Variants in SH3TC1 observed in about 807,000 individuals in gnomAD.
SH3TC1 encodes the protein SH3 domain and tetratricopeptide repeats 1.
A neutral mutation model predicts 117.3 loss-of-function variants in SH3TC1; 135 were observed. The ratio of observed to expected loss-of-function variants is 1.15; its 90% CI spans 1.00 to 1.33. The LOEUF is 1.33. Ranked by LOEUF, SH3TC1 falls within the 40% of genes most tolerant of loss-of-function variation. The probability of loss-of-function intolerance (pLI) is 0.00; values close to 1 mark genes in which losing one functional copy is unlikely to be tolerated. For synonymous variants in SH3TC1, 898 were observed against 816.9 expected, an observed-to-expected ratio of 1.10 and a Z score of -1.69; for missense variants, 2,092 against 1,794.3, an observed-to-expected ratio of 1.17 and a Z score of -3.00.
At chr4:8,233,656 A>G (rs1282758402) in intron 14 of SH3TC1, 143 bp downstream of exon 14, 5 of 1,029,854 alleles carry the variant, frequency 4.9e-6, no homozygotes, top group Non-Finnish European at 6.7e-6. Flanking sequence ...CCATCCTTCC[A>G]TCATCTACCC....
At chr4:8,234,192 ATTCAT>A (rs1721578201) in intron 14 of SH3TC1, among the ~76,000 whole-genome samples, 1 of 136,860 alleles carries the variant, frequency 7.3e-6, no homozygotes, top group African/African-American at 2.7e-5. Flanking sequence ...TCATCCATCC[ATTCAT>A]CCATCCACCA....
chr4:8,214,426 GCCCCAGAGCTCCTGGGGACCTC>G, intron 4 of SH3TC1, 27 bp from the exon 5 acceptor site: 1 of 1,540,198 alleles, frequency 6.5e-7, no homozygotes, highest in East Asian at 2.2e-5. Context: ...CCTGACAGAT[GCCCCAGAGCTCCTGGGGACCTC>G]TCGAATTCCT....
chr4:8,225,159 T>G lies in SH3TC1; in HGVS notation c.1244-16T>G, dbSNP rs754281130. On this transcript the variant is annotated splice_polypyrimidine_tract_variant and intron_variant, in intron 10 of 17. Transcript: ENST00000245105. The surrounding 1 kb of genome is among the most constrained non-coding windows in gnomAD (Gnocchi z 5.5). ...TGGCTGGGGGTGTTGATTGCTTCTC[T>G]TTTCTCCCTTGCCAGACTCAGTAGA... is the stretch of plus-strand genomic sequence containing the variant. The G allele has an allele frequency of 4.3e-6, 7 of 1,613,672 alleles. No individual in the cohort carries two copies. Among genetic ancestry groups the G allele is most frequent in the Non-Finnish European group, 5.9e-6 (7 of 1,179,900 alleles).
Position 8,209,633 on chromosome 4 carries a change from G to C in SH3TC1, c.173-115G>C, listed in dbSNP as rs753657189. On this transcript the variant is annotated intron_variant, in intron 2 of 17. Coordinates refer to ENST00000245105, the MANE Select transcript of SH3TC1 (RefSeq NM_018986.5). The surrounding 1 kb of genome is among the most constrained non-coding windows in gnomAD (Gnocchi z 5.9). ...AAGGCAGCTGTGGGAAAGGCGGCTCGTGCGGGACAGAACTCACCTCTTTTC... is the reference window on the plus strand; with the variant it reads ...AAGGCAGCTGTGGGAAAGGCGGCTCCTGCGGGACAGAACTCACCTCTTTTC... 2 of 1,545,806 alleles carry C rather than the reference G, an allele frequency of 1.3e-6. No individual in the cohort carries two copies. Among genetic ancestry groups the C allele is most frequent in the African/African-American group, 2.7e-5 (2 of 73,274 alleles).
In SH3TC1 at chr4:8,227,469, G is replaced by A; in HGVS notation, c.1775G>A (p.Gly592Asp). 6.4e-7 allele frequency: 1 copy of A among 1,565,170 alleles called. No homozygotes were observed. The change falls in exon 12 of 18, where the codon GGC becomes GAC. Residue 592 changes from glycine (G) to aspartate (D), a missense_variant. Gly to Asp is a moderately conservative substitution (Grantham distance 94). Coordinates refer to ENST00000245105, the MANE Select transcript of SH3TC1 (RefSeq NM_018986.5). Reference sequence around the variant, plus strand: ...GAGGAAGCGCTGGGGGCCCTGGAGGGCAGCTTCGGGGACCTGTTCCTAGTG... The same window carrying A: ...GAGGAAGCGCTGGGGGCCCTGGAGGACAGCTTCGGGGACCTGTTCCTAGTG... ...YFEEALGALEGSFGDLFLVVA... is the reference protein window; with the variant it reads ...YFEEALGALEDSFGDLFLVVA...
At position 8,205,552 on chromosome 4, in the gene SH3TC1, C is replaced by T; in HGVS notation, c.172+186C>T. 2 of 882,974 alleles carry T rather than the reference C, an allele frequency of 2.3e-6. No individual in the cohort carries two copies. The highest frequency in any genetic ancestry group is 3.8e-6 in the Non-Finnish European group (2 of 524,708). 54.7% of individuals were successfully genotyped at this position (882,974 alleles called of 1,614,324 possible). A position where few individuals can be genotyped will look rare whatever the true frequency, so the allele number is the denominator to read the frequency against. On this transcript the variant is annotated intron_variant, in intron 2 of 17. Coordinates refer to ENST00000245105, the MANE Select transcript of SH3TC1 (RefSeq NM_018986.5). The surrounding 1 kb of genome is among the most constrained non-coding windows in gnomAD (Gnocchi z 5.4). Reference sequence around the variant, plus strand: ...TGTTTAACAGGAGCCACTGTGCCCGCTGAGTCACTTGAGAGGCCAGGGCCC... The same window carrying T: ...TGTTTAACAGGAGCCACTGTGCCCGTTGAGTCACTTGAGAGGCCAGGGCCC...
At chr4:8,195,061 G>A (rs1383255686), upstream of SH3TC1, among the ~76,000 whole-genome samples, 2 of 152,124 alleles carry the variant, frequency 1.3e-5, no homozygotes, top group African/African-American at 2.4e-5. Context: ...AGTCCAGCGG[G>A]CATCAGGAGA....
At chr4:8,217,498 T>C (rs1425556898) in intron 7 of SH3TC1, among the ~76,000 whole-genome samples, 1 of 152,092 alleles carries the variant, frequency 6.6e-6, no homozygotes, top group Admixed American at 6.5e-5. Context: ...GTATCCAGAG[T>C]GAGAAGGCAC....
In SH3TC1 at chr4:8,227,085, C is replaced by A; in HGVS notation, c.1391C>A (p.Ala464Glu). ...TGCCCAGGCTGCCCCCAGGAGCCAGCGTCCTGGGGTCTCTGTGCGGCATCC... is the reference window on the plus strand; with the variant it reads ...TGCCCAGGCTGCCCCCAGGAGCCAGAGTCCTGGGGTCTCTGTGCGGCATCC... ...KTCPGCPQEPASWGLCAASSD... is the reference protein window; with the variant it reads ...KTCPGCPQEPESWGLCAASSD... The change falls in exon 12 of 18, where the codon GCG (alanine) becomes GAG (glutamate). Residue 464 changes from alanine (A) to glutamate (E), a missense_variant. Transcript: ENST00000245105. 6.2e-7 allele frequency: 1 copy of A among 1,610,774 alleles called. No homozygotes were observed. Among genetic ancestry groups the A allele is most frequent in the Non-Finnish European group, 8.5e-7 (1 of 1,178,648 alleles).
chr4:8,224,192 C>A (rs1308851852), intron 10 of SH3TC1, among the ~76,000 whole-genome samples: 8 of 152,240 alleles, frequency 5.3e-5, no homozygotes, highest in Admixed American at 5.2e-4. Context: ...CACACATATG[C>A]ACACACATAT....
chr4:8,227,941 C>G lies in SH3TC1; in HGVS notation c.2247C>G (p.Asn749Lys). ...GSLAGSLRSVNLVLQNAPQPH... is the reference protein window; with the variant it reads ...GSLAGSLRSVKLVLQNAPQPH... ...TGGCCGGCTCGCTGAGGAGTGTGAA[C>G]CTGGTGCTCCAGAACGCCCCCCAGC... is the stretch of plus-strand genomic sequence containing the variant. The change falls in exon 12 of 18, where the codon AAC (asparagine) becomes AAG (lysine). Residue 749 changes from asparagine to lysine, a missense_variant. Transcript: ENST00000245105. 6.2e-7 allele frequency: 1 copy of G among 1,612,636 alleles called. No individual in the cohort carries two copies. Among genetic ancestry groups the G allele is most frequent in the Non-Finnish European group, 8.5e-7 (1 of 1,179,956 alleles).
chr4:8,225,281 G>C lies in SH3TC1; in HGVS notation c.1285+65G>C. ...GCTGGGCCTTGGGGTAACGCTGGGG[G>C]AGGTGACAAAGCTGAGCACGGTGGG... On this transcript the variant is annotated intron_variant, in intron 11 of 17. Coordinates refer to ENST00000245105, the MANE Select transcript of SH3TC1 (RefSeq NM_018986.5). The surrounding 1 kb of genome is among the most constrained non-coding windows in gnomAD (Gnocchi z 5.5). 1 of 1,557,952 alleles carries C rather than the reference G, an allele frequency of 6.4e-7. No homozygotes were observed. Among genetic ancestry groups the C allele is most frequent in the South Asian group, 1.2e-5 (1 of 86,392 alleles).
Position 8,210,913 on chromosome 4 carries a change from T to A in SH3TC1, c.247+1091T>A, listed in dbSNP as rs1302316334. On this transcript the variant is annotated intron_variant, in intron 3 of 17. Transcript: ENST00000245105. This position sits in a 1 kb window ranked among gnomAD's most constrained non-coding sequence, Gnocchi z 4.1. ...GGGGGTGAGGGTGTTTGCTCAAGGGTCCCCTAGCAGAAAACTCTCAGGCAG... is the reference window on the plus strand; with the variant it reads ...GGGGGTGAGGGTGTTTGCTCAAGGGACCCCTAGCAGAAAACTCTCAGGCAG... 6.6e-6 allele frequency among the ~76,000 whole-genome samples: 1 copy of A among 151,490 alleles called. No individual in the cohort carries two copies. The highest frequency in any genetic ancestry group is 1.9e-4 in the East Asian group (1 of 5,178).
intron 4 of SH3TC1, 56 bp from the exon 5 acceptor site, chr4:8,214,419 G>C: frequency 6.5e-7 from 1 of 1,533,540 alleles, no homozygotes. Flanking sequence ...CTGTCCTCCT[G>C]ACAGATGCCC....
Position 8,225,012 on chromosome 4 carries a change from T to G in SH3TC1, c.1244-163T>G, listed in dbSNP as rs189029662. The G allele has an allele frequency of 7.6e-5, 62 of 819,010 alleles. 2 individuals are homozygous for G. Among genetic ancestry groups the G allele is most frequent in the Non-Finnish European group, 1.2e-4 (59 of 510,644 alleles). 50.7% of individuals were successfully genotyped at this position (819,010 alleles called of 1,614,324 possible). A position where few individuals can be genotyped will look rare whatever the true frequency, so the allele number is the denominator to read the frequency against. On this transcript the variant is annotated intron_variant, in intron 10 of 17. Coordinates refer to ENST00000245105, the MANE Select transcript of SH3TC1 (RefSeq NM_018986.5). This position sits in a 1 kb window ranked among gnomAD's most constrained non-coding sequence, Gnocchi z 5.5. The stretch of plus-strand genomic sequence containing the variant: ...ACCTCAGCCTGCAACACCTGCACCC[T>G]GCAACACTCCAGCCCGCAACACCAG...
intron 9 of SH3TC1, among the ~76,000 whole-genome samples, chr4:8,221,182 C>T (rs1719889714): frequency 6.6e-6 from 1 of 152,212 alleles, no homozygotes; most frequent in Admixed American, 6.5e-5. Context: ...CAAGGGAGAC[C>T]ACAAATTCTC....
Position 8,228,138 on chromosome 4 carries a change from C to CTA in SH3TC1, c.2444_2445insTA (p.Ser816ThrfsTer50), listed in dbSNP as rs769997126. ...ACCTTCATGACGCAGGCAGTGGAAGCCAGTGCTATTGCCGGAGTCCGTGCC... is the reference window on the plus strand; with the variant it reads ...ACCTTCATGACGCAGGCAGTGGAAGCTACAGTGCTATTGCCGGAGTCCGTGCC... On this transcript the variant is annotated frameshift_variant, in exon 12 of 18. Transcript: ENST00000245105. LOFTEE classifies it high-confidence loss of function. The CTA allele has an allele frequency of 6.2e-7, 1 of 1,612,366 alleles. No homozygotes were observed. The highest frequency in any genetic ancestry group is 1.1e-5 in the South Asian group (1 of 90,978).
chr4:8,231,423 T>C (rs1403927618), intron 12 of SH3TC1: 4 of 156,056 alleles, frequency 2.6e-5, no homozygotes, highest in Non-Finnish European at 5.7e-5. Context: ...GGTGTTCATC[T>C]CCGGAATGTT....
Position 8,225,342 on chromosome 4 carries a change from C to A in SH3TC1, c.1285+126C>A. 8.9e-7 allele frequency: 1 copy of A among 1,119,448 alleles called. No homozygotes were observed. The allele number at this position is 1,119,448 out of a possible 1,614,324, so 69.3% of individuals were successfully genotyped here. ...GGCTGTCACCCCTCTGTGGTGTGGGCTGGGGGCTTGGGGGAGGTTGCCTGA... is the reference window on the plus strand; with the variant it reads ...GGCTGTCACCCCTCTGTGGTGTGGGATGGGGGCTTGGGGGAGGTTGCCTGA... On this transcript the variant is annotated intron_variant, in intron 11 of 17. Coordinates refer to ENST00000245105, the MANE Select transcript of SH3TC1 (RefSeq NM_018986.5). The surrounding 1 kb of genome is among the most constrained non-coding windows in gnomAD (Gnocchi z 5.5).
Sources: allele counts gnomAD v4.1 joint callset (sites outside exome capture counted in the v4.1 genomes callset), GRCh38; gene constraint gnomAD v4.1.1; non-coding constraint Gnocchi (gnomAD v3.1); transcripts MANE v1.5; gene names NCBI Gene and HGNC (gene_info 2026-07-23, HGNC 2026-07-21).